Variants in FAM135B observed in about 807,000 individuals in gnomAD.
FAM135B encodes the protein family with sequence similarity 135 member B.
A neutral mutation model predicts 127.7 loss-of-function variants in FAM135B; 43 were observed. That is an observed-to-expected ratio of 0.34 (90% CI 0.26 to 0.43). The LOEUF is 0.43. FAM135B is among the 20% of genes least tolerant of loss of function. The pLI is 1.00. For missense variants in FAM135B, 1,558 were observed against 1,725.6 expected (o/e 0.90, Z 1.72); for synonymous variants, 670 against 665.1 (o/e 1.01, Z -0.11).
In FAM135B at chr8:138,197,510, C is replaced by T. The variant is rs745702484; in HGVS notation, c.823+6G>A. On this transcript the variant is annotated splice_donor_region_variant and intron_variant, in intron 8 of 19. Coordinates refer to ENST00000395297, the MANE Select transcript of FAM135B (RefSeq NM_015912.4). ...GGATGGGCTTGCCCCTGTCCTGGGCCCTTACCCAGCTCCGTGTGTGGCAGC... is the reference window on the plus strand; with the variant it reads ...GGATGGGCTTGCCCCTGTCCTGGGCTCTTACCCAGCTCCGTGTGTGGCAGC... 1 of 1,613,610 alleles carries T rather than the reference C, an allele frequency of 6.2e-7. No individual in the cohort carries two copies. Among genetic ancestry groups the T allele is most frequent in the Admixed American group, 1.7e-5 (1 of 60,006 alleles).
intron 3 of FAM135B, among the ~76,000 whole-genome samples, chr8:138,269,046 A>G (rs998431166): frequency 2.6e-5 from 4 of 152,106 alleles, no homozygotes; most frequent in Non-Finnish European, 4.4e-5. Flanking sequence ...GGTAAGAGGA[A>G]CTCTTCAGGT....
chr8:138,466,626 A>C (rs969253258), intron 1 of FAM135B, among the ~76,000 whole-genome samples: 10 of 152,306 alleles, frequency 6.6e-5, no homozygotes, highest in African/African-American at 2.4e-4. Context: ...TTTAAATAAG[A>C]ATGACGTTGT....
At position 138,152,976 on chromosome 8, in the gene FAM135B, A is replaced by T. The variant is rs1303935804; in HGVS notation, c.1499T>A (p.Val500Glu). 8.7e-6 allele frequency: 14 copies of T among 1,614,194 alleles called. No homozygotes were observed. Among genetic ancestry groups the T allele is most frequent in the Non-Finnish European group, 1.2e-5 (14 of 1,180,040 alleles). Residue 500 changes from valine (V) to glutamate (E), a missense_variant, in exon 13 of 20, where the codon GTG becomes GAG. Around this residue, in one of 5 missense-constraint regions of FAM135B, gnomAD observed 923 missense variants for 865.3 expected, o/e 1.07. Coordinates refer to ENST00000395297, the MANE Select transcript of FAM135B (RefSeq NM_015912.4). The part of the protein sequence containing the change: ...NHMDMCSESQ[V>E]YISIGEFQNK... ...TTGAAATTCACCAATTGATATATAC[A>T]CCTGAGATTCAGAGCACATGTCCAT...
At chr8:138,314,110 G>A (rs1826896580) in intron 2 of FAM135B, among the ~76,000 whole-genome samples, 1 of 152,132 alleles carries the variant, frequency 6.6e-6, no homozygotes, top group African/African-American at 2.4e-5. Flanking sequence ...GAGAAAGGAT[G>A]TGTGTTAGAT....
intron 1 of FAM135B, among the ~76,000 whole-genome samples, chr8:138,393,451 T>C (rs1243901618): frequency 1.3e-5 from 2 of 149,316 alleles, no homozygotes; most frequent in African/African-American, 2.5e-5. Context: ...GACACTGTTT[T>C]AGTGAAAAAA....
intron 11 of FAM135B, among the ~76,000 whole-genome samples, chr8:138,172,341 G>A (rs886972783): frequency 3.9e-5 from 6 of 152,124 alleles, no homozygotes; most frequent in Non-Finnish European, 5.9e-5. Flanking sequence ...GATCTTTGGT[G>A]CAGCATTCAG....
At chr8:138,379,469 T>C (rs1011481115) in intron 1 of FAM135B, among the ~76,000 whole-genome samples, 7 of 152,192 alleles carry the variant, frequency 4.6e-5, no homozygotes, top group African/African-American at 1.7e-4. Flanking sequence ...CATCTGTATG[T>C]TGTGCAATAA....
At chr8:138,272,692 A>C (rs1823473602) in intron 3 of FAM135B, among the ~76,000 whole-genome samples, 1 of 152,242 alleles carries the variant, frequency 6.6e-6, no homozygotes, top group Non-Finnish European at 1.5e-5. Flanking sequence ...TCTCAAAAGT[A>C]AAAGGCCAGT....
In FAM135B at chr8:138,243,541, T is replaced by C. The variant is rs1586867504; in HGVS notation, c.543-473A>G. Among the ~76,000 whole-genome samples the C allele has an allele frequency of 6.6e-6, 1 of 152,190 alleles. No individual in the cohort carries two copies. Among genetic ancestry groups the C allele is most frequent in the Non-Finnish European group, 1.5e-5 (1 of 68,028 alleles). On this transcript the variant is annotated intron_variant, in intron 6 of 19. Transcript: ENST00000395297. This position sits in a 1 kb window ranked among gnomAD's most constrained non-coding sequence, Gnocchi z 7.5. ...CTCCATGATCCGCATGAGAGTCTAA[T>C]ACGATGTCAAAGACTGTCATAAGCC...
intron 1 of FAM135B, chr8:138,458,984 C>T (rs1024450824): frequency 6.6e-6 from 1 of 152,218 alleles, no homozygotes; most frequent in African/African-American, 2.4e-5. Flanking sequence ...GTGAAATTCC[C>T]TACACAGGCA....
intron 3 of FAM135B, among the ~76,000 whole-genome samples, chr8:138,288,137 C>T (rs990882920): frequency 1.3e-5 from 2 of 152,116 alleles, no homozygotes; most frequent in Non-Finnish European, 2.9e-5. Flanking sequence ...TATAAGACCT[C>T]GTGCATGCTG....
chr8:138,205,448 C>T (rs147546630), intron 7 of FAM135B, among the ~76,000 whole-genome samples: 2 of 152,162 alleles, frequency 1.3e-5, no homozygotes, highest in Non-Finnish European at 2.9e-5. Context: ...ACTTCTAACT[C>T]AGGCCAGGGT....
At chr8:138,351,890 A>G (rs1209148455) in intron 2 of FAM135B, among the ~76,000 whole-genome samples, 1 of 152,052 alleles carries the variant, frequency 6.6e-6, no homozygotes, top group East Asian at 1.9e-4. Flanking sequence ...GGGTTTCACC[A>G]TGTTGACCAG....
intron 11 of FAM135B, among the ~76,000 whole-genome samples, chr8:138,175,557 T>C (rs1164902984): frequency 6.6e-6 from 1 of 152,206 alleles, no homozygotes; most frequent in Non-Finnish European, 1.5e-5. Context: ...ACTGTGCACA[T>C]CTCTTCCCAA....
chr8:138,223,844 AC>A (rs1458296807), intron 7 of FAM135B, among the ~76,000 whole-genome samples: 2 of 152,248 alleles, frequency 1.3e-5, no homozygotes, highest in African/African-American at 4.8e-5. Flanking sequence ...AACGTGGAAT[AC>A]TATGCAGCCA....
intron 1 of FAM135B, among the ~76,000 whole-genome samples, chr8:138,382,609 C>T (rs1276416377): frequency 1.3e-5 from 2 of 152,118 alleles, no homozygotes; most frequent in Non-Finnish European, 2.9e-5. Context: ...GTTTTCTCAT[C>T]TGTGCATAGG....
At chr8:138,386,324 T>C (rs181643450) in intron 1 of FAM135B, among the ~76,000 whole-genome samples, 16 of 151,626 alleles carry the variant, frequency 1.1e-4, no homozygotes, top group Non-Finnish European at 2.4e-4. Flanking sequence ...TGGAAGAAAA[T>C]TGATGCTGAA....
chr8:138,258,230 T>G (rs1822258687), intron 4 of FAM135B, among the ~76,000 whole-genome samples: 1 of 152,238 alleles, frequency 6.6e-6, no homozygotes, highest in Admixed American at 6.5e-5. Flanking sequence ...TGGTTTTTGT[T>G]TCTTTGCAAG....
In FAM135B at chr8:138,469,112, AGAAG is replaced by A. The variant is rs550556232; in HGVS notation, c.-20+27555_-20+27558del. 8.6e-4 allele frequency among the ~76,000 whole-genome samples: 130 copies of A among 152,036 alleles called. 1 individual carries two copies. Among genetic ancestry groups the A allele is most frequent in the Admixed American group, 1.6e-3 (25 of 15,258 alleles). The stretch of plus-strand genomic sequence containing the variant: ...AAAAAGGAAGGAAGGAAGGAGGGAA[AGAAG>A]GAAGGAAGGATGGATTGTGGTTTTT... On this transcript the variant is annotated intron_variant, in intron 1 of 19. Coordinates refer to ENST00000395297, the MANE Select transcript of FAM135B (RefSeq NM_015912.4).
Sources: allele counts gnomAD v4.1 joint callset (sites outside exome capture counted in the v4.1 genomes callset), GRCh38; gene constraint gnomAD v4.1.1; regional missense constraint gnomAD v4.1.1; non-coding constraint Gnocchi (gnomAD v3.1); transcripts MANE v1.5; gene names NCBI Gene and HGNC (gene_info 2026-07-23, HGNC 2026-07-21).